Variants in FAM135B observed in about 807,000 individuals in gnomAD.
The protein encoded by FAM135B is family with sequence similarity 135 member B.
Under a neutral mutation model 127.7 loss-of-function variants are expected in FAM135B, and 43 were observed. The ratio of observed to expected loss-of-function variants is 0.34; its 90% CI spans 0.26 to 0.43. The LOEUF (loss-of-function observed/expected upper bound fraction) is 0.43, where lower values mean the gene tolerates loss of function less well. FAM135B is among the 20% of genes least tolerant of loss of function. The pLI is 1.00. For synonymous variants in FAM135B, 670 were observed against 665.1 expected (o/e 1.01, Z -0.11); for missense variants, 1,558 against 1,725.6 (o/e 0.90, Z 1.72).
At chr8:138,257,882 A>T (rs1455062351) in intron 4 of FAM135B, among the ~76,000 whole-genome samples, 5 of 91,672 alleles carry the variant, frequency 5.5e-5, no homozygotes, top group African/African-American at 1.8e-4. Context: ...AAAAAATAAA[A>T]AATAAAAAAA....
At chr8:138,367,864 C>G (rs765021920) in intron 2 of FAM135B, 43 bp downstream of exon 2, 1 of 1,216,728 alleles carries the variant, frequency 8.2e-7, no homozygotes, top group African/African-American at 1.5e-5. Context: ...ACAAACAACA[C>G]ACACACACAC....
intron 1 of FAM135B, chr8:138,437,110 A>G (rs578029021): frequency 6.6e-6 from 1 of 152,356 alleles, no homozygotes; most frequent in South Asian, 2.1e-4. Context: ...ATTTCAAGTC[A>G]GCAGCTTCTC....
chr8:138,148,811 G>A, intron 13 of FAM135B, 125 bp from the exon 14 acceptor site: 2 of 624,050 alleles, frequency 3.2e-6, no homozygotes, highest in East Asian at 5.7e-5. Flanking sequence ...TGGCAAAGCT[G>A]ACTTGAGCCC....
chr8:138,308,379 G>T (rs1826421558), intron 3 of FAM135B, among the ~76,000 whole-genome samples: 1 of 152,192 alleles, frequency 6.6e-6, no homozygotes, highest in Non-Finnish European at 1.5e-5. Flanking sequence ...ATAAGCCATT[G>T]TTAAAAGTCA....
chr8:138,300,875 C>T (rs928650922), intron 3 of FAM135B, among the ~76,000 whole-genome samples: 6 of 151,740 alleles, frequency 4.0e-5, no homozygotes, highest in South Asian at 2.1e-4. Flanking sequence ...CTCAGTCTCC[C>T]GAGTAGCTGG....
chr8:138,364,911 A>C (rs1830648195), intron 2 of FAM135B, among the ~76,000 whole-genome samples: 1 of 152,128 alleles, frequency 6.6e-6, no homozygotes, highest in Non-Finnish European at 1.5e-5. Flanking sequence ...GCAGTAGCAC[A>C]ATCTCAGCTC....
chr8:138,378,311 T>C (rs911779255), intron 1 of FAM135B, among the ~76,000 whole-genome samples: 7 of 152,214 alleles, frequency 4.6e-5, no homozygotes, highest in Non-Finnish European at 8.8e-5. Context: ...GGGTCAGCCT[T>C]CTGGGAGCTG....
At chr8:138,225,947 T>C (rs1819393611) in intron 7 of FAM135B, among the ~76,000 whole-genome samples, 1 of 152,128 alleles carries the variant, frequency 6.6e-6, no homozygotes, top group African/African-American at 2.4e-5. Context: ...TGAAGGTGTA[T>C]GCTCATTCCA....
chr8:138,158,221 T>C (rs1164155507), intron 12 of FAM135B, among the ~76,000 whole-genome samples: 1 of 152,206 alleles, frequency 6.6e-6, no homozygotes, highest in Non-Finnish European at 1.5e-5. Context: ...TTTAAATAAA[T>C]GGTGCTGGGA....
At position 138,136,489 on chromosome 8, in the gene FAM135B, T is replaced by C. The variant is rs73414742; in HGVS notation, c.4015+658A>G. On this transcript the variant is annotated intron_variant, in intron 19 of 19. Coordinates refer to ENST00000395297, the MANE Select transcript of FAM135B (RefSeq NM_015912.4). ...ACAATGGTTATGTAAGATGCTAATATTGGGCATCAGAGTGAAACGTATGCA... is the reference window on the plus strand; with the variant it reads ...ACAATGGTTATGTAAGATGCTAATACTGGGCATCAGAGTGAAACGTATGCA... Among the ~76,000 whole-genome samples, 1,061 of 152,320 alleles carry C rather than the reference T, an allele frequency of 7.0e-3. 11 individuals carry two copies. The highest frequency in any genetic ancestry group is 0.024 in the African/African-American group (1,018 of 41,564).
At chr8:138,189,763 G>A (rs1394028070) in intron 9 of FAM135B, among the ~76,000 whole-genome samples, 1 of 152,142 alleles carries the variant, frequency 6.6e-6, no homozygotes, top group Non-Finnish European at 1.5e-5. Flanking sequence ...CAGTGCCTAC[G>A]CTCCAGTTCC....
intron 1 of FAM135B, among the ~76,000 whole-genome samples, chr8:138,495,399 G>A (rs1227612949): frequency 1.3e-5 from 2 of 152,136 alleles, no homozygotes; most frequent in Non-Finnish European, 2.9e-5. Context: ...TCTAAGCTCT[G>A]ATAACATCAT....
At chr8:138,292,229 T>C (rs1158055101) in intron 3 of FAM135B, among the ~76,000 whole-genome samples, 2 of 152,106 alleles carry the variant, frequency 1.3e-5, no homozygotes, top group East Asian at 1.9e-4. Flanking sequence ...AAATGATCTA[T>C]ACACTGAAAA....
At chr8:138,302,454 CAAG>C (rs1462522328) in intron 3 of FAM135B, among the ~76,000 whole-genome samples, 1 of 152,140 alleles carries the variant, frequency 6.6e-6, no homozygotes, top group East Asian at 1.9e-4. Context: ...ACTGCCTGAG[CAAG>C]AAGAAGGTAG....
At chr8:138,194,147 C>T (rs564843767) in intron 9 of FAM135B, among the ~76,000 whole-genome samples, 1 of 152,190 alleles carries the variant, frequency 6.6e-6, no homozygotes, top group Non-Finnish European at 1.5e-5. Context: ...GTGTTGCCCT[C>T]CTACAGTCTG....
chr8:138,396,856 C>A (rs1832882397), intron 1 of FAM135B, among the ~76,000 whole-genome samples: 1 of 152,188 alleles, frequency 6.6e-6, no homozygotes, highest in Non-Finnish European at 1.5e-5. Flanking sequence ...GACCTATCCC[C>A]AGACAGCACC....
At chr8:138,424,179 GA>G (rs1388737592) in intron 1 of FAM135B, among the ~76,000 whole-genome samples, 17 of 152,256 alleles carry the variant, frequency 1.1e-4, no homozygotes, top group African/African-American at 3.9e-4. Context: ...GAGATGACAG[GA>G]TTAAGATATT....
intron 3 of FAM135B, among the ~76,000 whole-genome samples, chr8:138,294,472 A>T (rs1177463542): frequency 2.0e-5 from 3 of 152,178 alleles, no homozygotes; most frequent in Non-Finnish European, 2.9e-5. Flanking sequence ...TACCTCAATA[A>T]AGCTAGAAAA....
intron 1 of FAM135B, among the ~76,000 whole-genome samples, chr8:138,386,277 A>C (rs1295285716): frequency 6.6e-6 from 1 of 152,134 alleles, no homozygotes; most frequent in Non-Finnish European, 1.5e-5. Flanking sequence ...ACAACAACCT[A>C]ACCTCACATA....
Sources: gnomAD v4.1 joint callset for allele counts (sites outside exome capture counted in the v4.1 genomes callset) on GRCh38, gnomAD v4.1.1 for gene constraint, MANE v1.5 for transcripts, NCBI Gene and HGNC (gene_info 2026-07-23, HGNC 2026-07-21) for gene names.